The following ELAPOR2 variants were observed in gnomAD, a reference collection of about 807,000 sequenced individuals.
ELAPOR2 encodes the protein endosome/lysosome-associated apoptosis and autophagy regulator family member 2.
Under a neutral mutation model 120.7 loss-of-function variants are expected in ELAPOR2, and 89 were observed. That is an observed-to-expected ratio of 0.74 (90% confidence interval 0.62 to 0.88). The LOEUF is 0.88. ELAPOR2 is among the 40% of genes least tolerant of loss of function. The probability of loss-of-function intolerance (pLI) is 0.00; values close to 1 mark genes in which losing one functional copy is unlikely to be tolerated. For synonymous variants in ELAPOR2, 444 were observed against 444.9 expected (o/e 1.00, Z 0.03); for missense variants, 1,134 against 1,251.6 (o/e 0.91, Z 1.42).
At chr7:86,956,013 G>GA (rs934983845) in intron 2 of ELAPOR2, among the ~76,000 whole-genome samples, 8 of 150,318 alleles carry the variant, frequency 5.3e-5, no homozygotes, top group East Asian at 3.9e-4. Flanking sequence ...AATAAAAGGG[G>GA]AAAAAAAAAG....
intron 1 of ELAPOR2, among the ~76,000 whole-genome samples, chr7:86,997,600 T>C (rs1048087969): frequency 4.6e-5 from 7 of 152,200 alleles, no homozygotes; most frequent in African/African-American, 1.7e-4. Context: ...ACACCTTCAC[T>C]TAGCCTGCAA....
intron 1 of ELAPOR2, among the ~76,000 whole-genome samples, chr7:87,018,751 C>T (rs1237273639): frequency 2.0e-5 from 3 of 152,194 alleles, no homozygotes; most frequent in African/African-American, 4.8e-5. Context: ...CAGACATGCA[C>T]TTGTTTTCTT....
chr7:86,955,790 A>G (rs1791444409), intron 2 of ELAPOR2, among the ~76,000 whole-genome samples: 1 of 152,072 alleles, frequency 6.6e-6, no homozygotes, highest in African/African-American at 2.4e-5. Flanking sequence ...AACCAAGTTC[A>G]ACTTTTCTAC....
Position 86,880,067 on chromosome 7 carries a change from A to G in ELAPOR2, c.*404T>C, listed in dbSNP as rs1485243001. On this transcript the variant is annotated 3_prime_UTR_variant, in exon 22 of 22. Coordinates refer to ENST00000450689, the MANE Select transcript of ELAPOR2 (RefSeq NM_001142749.3). ...AAAATATAAACAAAGAAAAAACATA[A>G]ATTGGATCATAATGCATATGCTCAC... is the stretch of plus-strand genomic sequence containing the variant. The G allele has an allele frequency of 6.3e-6, 1 of 159,036 alleles. No individual in the cohort carries two copies. The allele number at this position is 159,036 out of a possible 1,614,324, so 9.9% of individuals were successfully genotyped here.
intron 1 of ELAPOR2, among the ~76,000 whole-genome samples, chr7:87,031,148 G>C (rs1391500279): frequency 2.0e-5 from 3 of 152,092 alleles, no homozygotes; most frequent in Non-Finnish European, 4.4e-5. Flanking sequence ...GATTTGGGTG[G>C]GGACACAGAA....
At position 86,993,314 on chromosome 7, in the gene ELAPOR2, C is replaced by A. The variant is rs77091611; in HGVS notation, c.190-28290G>T. ...ATCTTACAAAATGAAGTGACTGGAACCCAGAACTGAGTTCACTTAACCATC... is the reference window on the plus strand; with the variant it reads ...ATCTTACAAAATGAAGTGACTGGAAACCAGAACTGAGTTCACTTAACCATC... On this transcript the variant is annotated intron_variant, in intron 1 of 21. Transcript: ENST00000450689. Among the ~76,000 whole-genome samples, 94 of 150,890 alleles carry A rather than the reference C, an allele frequency of 6.2e-4. No individual in the cohort carries two copies. The East Asian group carries it at 0.016, about 26-fold the overall frequency.
chr7:86,979,317 T>C (rs528271074), intron 1 of ELAPOR2, among the ~76,000 whole-genome samples: 7 of 152,212 alleles, frequency 4.6e-5, no homozygotes, highest in South Asian at 4.1e-4. Context: ...GTCACTCAGA[T>C]ACTATCTGCC....
At chr7:86,988,695 A>G (rs1399764430) in intron 1 of ELAPOR2, among the ~76,000 whole-genome samples, 1 of 152,238 alleles carries the variant, frequency 6.6e-6, no homozygotes, top group Non-Finnish European at 1.5e-5. Context: ...AGTATGTGTC[A>G]AAACGATAAT....
At chr7:87,013,892 T>C (rs566799202) in intron 1 of ELAPOR2, among the ~76,000 whole-genome samples, 37 of 152,180 alleles carry the variant, frequency 2.4e-4, no homozygotes, top group Non-Finnish European at 4.6e-4. Context: ...ACATGCACAG[T>C]GCAGTGAAAT....
intron 21 of ELAPOR2, among the ~76,000 whole-genome samples, chr7:86,885,916 G>A (rs1799666519): frequency 6.6e-6 from 1 of 152,122 alleles, no homozygotes; most frequent in South Asian, 2.1e-4. Context: ...ACAGCTACAT[G>A]TAGAGAAGGG....
intron 1 of ELAPOR2, among the ~76,000 whole-genome samples, chr7:86,991,519 A>AAC (rs1007053567): frequency 3.3e-5 from 5 of 152,042 alleles, no homozygotes; most frequent in Admixed American, 2.0e-4. Flanking sequence ...CTACTTTCAA[A>AAC]ACACACACAC....
At chr7:86,988,384 T>TAA (rs35533486) in intron 1 of ELAPOR2, among the ~76,000 whole-genome samples, 4 of 151,886 alleles carry the variant, frequency 2.6e-5, no homozygotes, top group African/African-American at 7.3e-5. Flanking sequence ...AATTCCACAG[T>TAA]AAAAAAATGC....
rs752393119 is a variant in ELAPOR2, at chr7:86,891,841, C to T, written c.2913G>A (p.Glu971=). The part of the protein sequence containing the change: ...SKLVMTTNSK[E]CELPAADSCA... Reference sequence around the variant, plus strand: ...AACTGTCTGCAGCCGGGAGTTCACACTCTTTTGAGTTAGTCGTCATTACTA... The same window carrying T: ...AACTGTCTGCAGCCGGGAGTTCACATTCTTTTGAGTTAGTCGTCATTACTA... The change falls in exon 21 of 22, where the codon GAG becomes GAA. Residue 971 remains glutamate, a synonymous_variant. Coordinates refer to ENST00000450689, the MANE Select transcript of ELAPOR2 (RefSeq NM_001142749.3). 1.2e-6 allele frequency: 2 copies of T among 1,611,464 alleles called. No homozygotes were observed. The highest frequency in any genetic ancestry group is 2.7e-5 in the African/African-American group (2 of 74,784).
intron 1 of ELAPOR2, among the ~76,000 whole-genome samples, chr7:87,021,211 G>A (rs181242275): frequency 2.6e-4 from 40 of 152,132 alleles, no homozygotes; most frequent in African/African-American, 9.1e-4. Context: ...TCCTCTCAAA[G>A]AATCCATGAT....
intron 9 of ELAPOR2, 101 bp from the exon 10 acceptor site, chr7:86,925,757 G>C: frequency 2.7e-6 from 3 of 1,091,350 alleles, no homozygotes; most frequent in Non-Finnish European, 4.1e-6. Flanking sequence ...AGCAGGGAGA[G>C]AAGTGGAAAA....
chr7:86,908,502 C>G lies in ELAPOR2; in HGVS notation c.2401G>C (p.Glu801Gln), dbSNP rs571145898. The change falls in exon 17 of 22, where the codon GAA (glutamate) becomes CAA (glutamine). Residue 801 changes from glutamate (E) to glutamine (Q), a missense_variant. Physicochemically the swap from Glu to Gln is conservative, Grantham distance 29. Coordinates refer to ENST00000450689, the MANE Select transcript of ELAPOR2 (RefSeq NM_001142749.3). Reference sequence around the variant, plus strand: ...CTTGTTGGAACTGGGAACATATCTTCTTTTATATTAATATTTTTCAATGTG... The same window carrying G: ...CTTGTTGGAACTGGGAACATATCTTGTTTTATATTAATATTTTTCAATGTG... ...ETTLKNINIK[E>Q]DMFPVPTSQI... 8.2e-6 allele frequency: 13 copies of G among 1,582,520 alleles called. No homozygotes were observed. Among genetic ancestry groups the G allele is most frequent in the Non-Finnish European group, 1.1e-5 (13 of 1,163,474 alleles).
chr7:86,899,429 AG>A lies in ELAPOR2; in HGVS notation c.2559-1798del, dbSNP rs1788612470. Among the ~76,000 whole-genome samples, 3 of 152,286 alleles carry A rather than the reference AG, an allele frequency of 2.0e-5. No homozygotes were observed. In the South Asian group the frequency reaches 6.2e-4, roughly 32 times the overall value. On this transcript the variant is annotated intron_variant, in intron 18 of 21. Coordinates refer to ENST00000450689, the MANE Select transcript of ELAPOR2 (RefSeq NM_001142749.3). Reference sequence around the variant, plus strand: ...TTAGACCTCAGCTGGTCCTGAGGACAGGTGTCCTGAAACCCTTAACAGCAAA... The same window carrying A: ...TTAGACCTCAGCTGGTCCTGAGGACAGTGTCCTGAAACCCTTAACAGCAAA...
At chr7:86,896,816 T>C (rs904098210) in intron 19 of ELAPOR2, among the ~76,000 whole-genome samples, 2 of 152,164 alleles carry the variant, frequency 1.3e-5, no homozygotes, top group Admixed American at 1.3e-4. Context: ...TGGTAATATG[T>C]ATCAAGCCTT....
intron 21 of ELAPOR2, among the ~76,000 whole-genome samples, chr7:86,886,379 T>A (rs1381722402): frequency 1.3e-5 from 2 of 151,892 alleles, no homozygotes; most frequent in African/African-American, 4.8e-5. Flanking sequence ...TCCAGAAAGC[T>A]GGGGCACACT....
Sources: allele counts gnomAD v4.1 joint callset (sites outside exome capture counted in the v4.1 genomes callset), GRCh38; gene constraint gnomAD v4.1.1; transcripts MANE v1.5; gene names NCBI Gene and HGNC (gene_info 2026-07-23, HGNC 2026-07-21).